The following FEZ2 variants were observed in gnomAD, a reference collection of about 807,000 sequenced individuals.
FEZ2 encodes the protein fasciculation and elongation protein zeta-2.
In FEZ2, 51 loss-of-function variants were observed where a neutral mutation model predicts 40.4. That is an observed-to-expected ratio of 1.26 (90% CI 1.01 to 1.59). The LOEUF (loss-of-function observed/expected upper bound fraction) is 1.59. Among genes scored for constraint, FEZ2 ranks in the 40% most tolerant of loss-of-function variants. FEZ2 has a pLI of 0.00. For missense variants in FEZ2, 640 were observed against 438.3 expected, an observed-to-expected ratio of 1.46 and a Z score of -4.11; for synonymous variants, 242 against 172.0, an observed-to-expected ratio of 1.41 and a Z score of -3.18.
chr2:36,584,263 C>T (rs1225479033), intron 2 of FEZ2, among the ~76,000 whole-genome samples: 1 of 152,206 alleles, frequency 6.6e-6, no homozygotes, highest in Admixed American at 6.5e-5. Flanking sequence ...GATTAGCAGA[C>T]TTCTCCCACA....
At chr2:36,583,090 T>C (rs906283199) in intron 3 of FEZ2, among the ~76,000 whole-genome samples, 1 of 152,190 alleles carries the variant, frequency 6.6e-6, no homozygotes, top group Non-Finnish European at 1.5e-5. Flanking sequence ...TGGTTTGGGG[T>C]TAAGCAACAA....
Position 36,597,200 on chromosome 2 carries a change from G to A in FEZ2, c.266+677C>T, listed in dbSNP as rs147666086. ...GCCCTAAATGCTGCCTCGCACGTTGGTACTTATGCACAGGCAATATACTCC... is the reference window on the plus strand; with the variant it reads ...GCCCTAAATGCTGCCTCGCACGTTGATACTTATGCACAGGCAATATACTCC... On this transcript the variant is annotated intron_variant, in intron 1 of 7. Transcript: ENST00000405912. Among the ~76,000 whole-genome samples, 458 of 151,902 alleles carry A rather than the reference G, an allele frequency of 3.0e-3. 4 individuals are homozygous for A. Among genetic ancestry groups the A allele is most frequent in the East Asian group, 8.5e-3 (44 of 5,164 alleles).
At chr2:36,572,605 A>G (rs752912522) in intron 5 of FEZ2, among the ~76,000 whole-genome samples, 1 of 152,348 alleles carries the variant, frequency 6.6e-6, no homozygotes, top group South Asian at 2.1e-4. Flanking sequence ...CAGATGATAT[A>G]TAAATGAATG....
At chr2:36,563,043 G>T (rs1294693843) in intron 5 of FEZ2, among the ~76,000 whole-genome samples, 2 of 152,156 alleles carry the variant, frequency 1.3e-5, no homozygotes, top group Non-Finnish European at 2.9e-5. Context: ...CTTTGTTTTC[G>T]CAATCAGAAA....
intron 7 of FEZ2, among the ~76,000 whole-genome samples, chr2:36,553,404 A>G (rs569082291): frequency 1.8e-4 from 27 of 152,276 alleles, no homozygotes; most frequent in African/African-American, 6.3e-4. Context: ...CCAAAAGGCC[A>G]TGTCTCTTAG....
intron 6 of FEZ2, chr2:36,556,496 G>C (rs1426074704): frequency 1.3e-5 from 2 of 152,170 alleles, no homozygotes; most frequent in African/African-American, 4.8e-5. Flanking sequence ...AAAGCATCCT[G>C]GTAAAAATAT....
In FEZ2 at chr2:36,579,296, G is replaced by C. The variant is rs140157776; in HGVS notation, c.635-431C>G. ...GATATCTCTGAACAGGAAAGGAGTT[G>C]ATCTGAAAGAATTAAACTAAATATA... is the stretch of plus-strand genomic sequence containing the variant. On this transcript the variant is annotated intron_variant, in intron 4 of 7. Coordinates refer to ENST00000405912, the MANE Select transcript of FEZ2 (RefSeq NM_005102.3). Among the ~76,000 whole-genome samples the C allele has an allele frequency of 4.3e-3, 651 of 152,286 alleles. 3 individuals are homozygous for C. Among genetic ancestry groups the C allele is most frequent in the African/African-American group, 0.015 (627 of 41,552 alleles).
intron 5 of FEZ2, 42 bp downstream of exon 5, chr2:36,578,555 C>A: frequency 6.3e-7 from 1 of 1,579,022 alleles, no homozygotes; most frequent in Non-Finnish European, 8.6e-7. Context: ...TACCACAGAA[C>A]CTGTTTCCAG....
chr2:36,593,295 C>T (rs775408633), intron 1 of FEZ2, among the ~76,000 whole-genome samples: 3 of 152,040 alleles, frequency 2.0e-5, no homozygotes, highest in Non-Finnish European at 2.9e-5. Flanking sequence ...TGGACAGCGG[C>T]CCTCTTCTCA....
intron 1 of FEZ2, among the ~76,000 whole-genome samples, chr2:36,592,015 A>G (rs1669087212): frequency 6.6e-6 from 1 of 152,218 alleles, no homozygotes; most frequent in Non-Finnish European, 1.5e-5. Context: ...AATAATCAGC[A>G]CAATAAAACA....
chr2:36,594,462 G>A (rs1170379451), intron 1 of FEZ2: 1 of 203,376 alleles, frequency 4.9e-6, no homozygotes, highest in Non-Finnish European at 9.6e-6. Flanking sequence ...GAGGCAAAAG[G>A]CACTTCTTAC....
chr2:36,591,017 AAAG>A lies in FEZ2; in HGVS notation c.267-9_267-7del, dbSNP rs1384393588. 30 of 1,526,822 alleles carry A rather than the reference AAAG, an allele frequency of 2.0e-5. No homozygotes were observed. Among genetic ancestry groups the A allele is most frequent in the Admixed American group, 5.0e-5 (3 of 59,754 alleles). The allele number at this position is 1,526,822 out of a possible 1,614,324, so 94.6% of individuals were successfully genotyped here. A position where few individuals can be genotyped will look rare whatever the true frequency, so the allele number is the denominator to read the frequency against. ...CTGTCAGGGCATTCCAAATCCTTAA[AAAG>A]AAGAAAGCTACAATCAATGAAAATT... On this transcript the variant is annotated splice_region_variant and splice_polypyrimidine_tract_variant and intron_variant, in intron 1 of 7. Coordinates refer to ENST00000405912, the MANE Select transcript of FEZ2 (RefSeq NM_005102.3).
At chr2:36,575,663 C>A (rs922576884) in intron 5 of FEZ2, among the ~76,000 whole-genome samples, 2 of 152,142 alleles carry the variant, frequency 1.3e-5, no homozygotes, top group African/African-American at 4.8e-5. Context: ...CACATATTTT[C>A]ATGGTCTAAT....
At chr2:36,568,303 G>C (rs557341779) in intron 5 of FEZ2, among the ~76,000 whole-genome samples, 1 of 152,270 alleles carries the variant, frequency 6.6e-6, no homozygotes, top group South Asian at 2.1e-4. Flanking sequence ...TCAGGGTTAT[G>C]AATGCTGAAT....
chr2:36,553,529 T>G (rs1667876128), intron 7 of FEZ2, among the ~76,000 whole-genome samples: 2 of 152,260 alleles, frequency 1.3e-5, no homozygotes, highest in South Asian at 2.1e-4. Flanking sequence ...GCACACATTT[T>G]TATTCCTAAC....
rs11691767 is a variant in FEZ2, at chr2:36,583,330, G to A, written c.492+23C>T. ...CAGCTCTAGAGTCTCCTTTCCTTGC[G>A]TTGCTGAGGATCTCCTCTATACCTG... On this transcript the variant is annotated intron_variant, in intron 3 of 7. Coordinates refer to ENST00000405912, the MANE Select transcript of FEZ2 (RefSeq NM_005102.3). 3.8e-4 allele frequency: 470 copies of A among 1,246,490 alleles called. 1 individual carries two copies. In the African/African-American group the frequency reaches 6.2e-3, roughly 16 times the overall value. 77.2% of individuals were successfully genotyped at this position (1,246,490 alleles called of 1,614,324 possible). A position where few individuals can be genotyped will look rare whatever the true frequency, so the allele number is the denominator to read the frequency against.
intron 3 of FEZ2, 98 bp downstream of exon 3, chr2:36,583,255 A>G (rs936248054): frequency 4.4e-6 from 3 of 689,034 alleles, no homozygotes; most frequent in African/African-American, 3.6e-5. Context: ...AATAGGAAAG[A>G]TAAGTAAACC....
At chr2:36,563,295 C>T (rs1359373365) in intron 5 of FEZ2, among the ~76,000 whole-genome samples, 1 of 152,102 alleles carries the variant, frequency 6.6e-6, no homozygotes, top group Non-Finnish European at 1.5e-5. Context: ...ACAAAACTAA[C>T]AGCTGATGCC....
At chr2:36,576,549 G>A (rs2125232627) in intron 5 of FEZ2, among the ~76,000 whole-genome samples, 1 of 152,312 alleles carries the variant, frequency 6.6e-6, no homozygotes, top group East Asian at 1.9e-4. Flanking sequence ...GGGATTACAG[G>A]CGTGAGCCAC....
Sources: allele counts gnomAD v4.1 joint callset (sites outside exome capture counted in the v4.1 genomes callset), GRCh38; gene constraint gnomAD v4.1.1; transcripts MANE v1.5; gene names NCBI Gene and HGNC (gene_info 2026-07-23, HGNC 2026-07-21).